The following SHROOM3 variants were observed in gnomAD, a reference collection of about 807,000 sequenced individuals.
The protein encoded by SHROOM3 is shroom family member 3.
A neutral mutation model predicts 138.6 loss-of-function variants in SHROOM3; 47 were observed. That is an observed-to-expected ratio of 0.34 (90% CI 0.27 to 0.43). The LOEUF (loss-of-function observed/expected upper bound fraction) is 0.43, where lower values mean the gene tolerates loss of function less well. SHROOM3 is among the 20% of genes least tolerant of loss of function. SHROOM3 has a pLI of 1.00. For synonymous variants in SHROOM3, 1,062 were observed against 1,063.3 expected (o/e 1.00, Z 0.02); for missense variants, 2,491 against 2,596.5 (o/e 0.96, Z 0.88).
chr4:76,491,928 C>T (rs1198196290), intron 1 of SHROOM3, among the ~76,000 whole-genome samples: 1 of 152,028 alleles, frequency 6.6e-6, no homozygotes, highest in African/African-American at 2.4e-5. Flanking sequence ...CCACTGAAGC[C>T]TCCAAAATAG....
At chr4:76,751,387 T>C (rs1300788831) in intron 6 of SHROOM3, among the ~76,000 whole-genome samples, 1 of 152,194 alleles carries the variant, frequency 6.6e-6, no homozygotes, top group African/African-American at 2.4e-5. Flanking sequence ...GACTTTACAT[T>C]AGTGCTTTTT....
At chr4:76,732,268 TG>T (rs1370688817) in intron 4 of SHROOM3, among the ~76,000 whole-genome samples, 3 of 152,082 alleles carry the variant, frequency 2.0e-5, no homozygotes, top group Non-Finnish European at 4.4e-5. Flanking sequence ...GCATGTGTGT[TG>T]GGGGGAGGAG....
At chr4:76,688,682 A>G (rs1719408533) in intron 2 of SHROOM3, 6 of 985,428 alleles carry the variant, frequency 6.1e-6, no homozygotes, top group Non-Finnish European at 7.2e-6. Flanking sequence ...TAGAATATTA[A>G]CTGGACGCCT....
chr4:76,456,235 G>A (rs1731024455), intron 1 of SHROOM3, among the ~76,000 whole-genome samples: 1 of 152,144 alleles, frequency 6.6e-6, no homozygotes, highest in African/African-American at 2.4e-5. Context: ...TTGATCTCCT[G>A]ACCTCATGAT....
Position 76,740,399 on chromosome 4 carries a change from C to G in SHROOM3, c.2226C>G (p.Pro742=), listed in dbSNP as rs760243120. The G allele has an allele frequency of 1.9e-6, 3 of 1,613,074 alleles. No homozygotes were observed. Among genetic ancestry groups the G allele is most frequent in the Admixed American group, 1.7e-5 (1 of 60,028 alleles). The change falls in exon 5 of 11, where the codon CCC becomes CCG. Residue 742 remains proline, a synonymous_variant. Transcript: ENST00000296043. The surrounding 1 kb of genome is among the most constrained non-coding windows in gnomAD (Gnocchi z 4.0). ...SASFNSTDPS[P]EEPPAPSHPH... ...CTTTCAACAGCACAGACCCAAGTCC[C>G]GAAGAGCCGCCTGCCCCCTCGCACC...
chr4:76,753,724 G>GT (rs1261172762), intron 6 of SHROOM3, among the ~76,000 whole-genome samples: 1 of 152,158 alleles, frequency 6.6e-6, no homozygotes, highest in Non-Finnish European at 1.5e-5. Flanking sequence ...TTCTCCAGAG[G>GT]TAACTGCTTA....
intron 2 of SHROOM3, among the ~76,000 whole-genome samples, chr4:76,650,985 TG>T (rs1560580155): frequency 6.6e-6 from 1 of 152,150 alleles, no homozygotes; most frequent in Non-Finnish European, 1.5e-5. Context: ...TGCAACAACA[TG>T]GATGGAACTG....
Position 76,740,217 on chromosome 4 carries a change from C to G in SHROOM3, c.2044C>G (p.Arg682Gly). 4.3e-6 allele frequency: 7 copies of G among 1,613,498 alleles called. No homozygotes were observed. Among genetic ancestry groups the G allele is most frequent in the Non-Finnish European group, 5.1e-6 (6 of 1,180,032 alleles). The change falls in exon 5 of 11, where the codon CGG becomes GGG. Residue 682 changes from arginine (R) to glycine (G), a missense_variant. By Grantham distance (125) the Arg-to-Gly change is moderately radical. Around this residue, in one of 4 missense-constraint regions of SHROOM3, gnomAD observed 1,733 missense variants for 1,661.6 expected, o/e 1.04. Coordinates refer to ENST00000296043, the MANE Select transcript of SHROOM3 (RefSeq NM_020859.4). This position sits in a 1 kb window ranked among gnomAD's most constrained non-coding sequence, Gnocchi z 4.0. Reference sequence around the variant, plus strand: ...AAGACACAGCAGCCTGGAGCTAGGCCGGGGAACCCAGGAGGGTTACCCCGG... The same window carrying G: ...AAGACACAGCAGCCTGGAGCTAGGCGGGGGAACCCAGGAGGGTTACCCCGG... ...LRRHSSLELG[R>G]GTQEGYPGGR...
chr4:76,439,280 C>T (rs1730621844), intron 1 of SHROOM3, among the ~76,000 whole-genome samples: 1 of 152,178 alleles, frequency 6.6e-6, no homozygotes, highest in Non-Finnish European at 1.5e-5. Context: ...CTTTTAAGGC[C>T]TCTTGTGAGT....
chr4:76,730,636 A>C (rs1247385866), intron 3 of SHROOM3, among the ~76,000 whole-genome samples, 168 bp from the exon 4 acceptor site: 1 of 152,254 alleles, frequency 6.6e-6, no homozygotes, highest in East Asian at 1.9e-4. Context: ...AATAACAATG[A>C]TTAGTCAGAG....
At chr4:76,639,414 G>A (rs1735597136) in intron 2 of SHROOM3, 1 of 394,876 alleles carries the variant, frequency 2.5e-6, no homozygotes, top group African/African-American at 2.1e-5. Flanking sequence ...GGTGAGGCAA[G>A]TTGGCTGGGA....
Position 76,551,924 on chromosome 4 carries a change from C to G in SHROOM3, c.169-3685C>G, listed in dbSNP as rs187414393. On this transcript the variant is annotated intron_variant, in intron 1 of 10. Coordinates refer to ENST00000296043, the MANE Select transcript of SHROOM3 (RefSeq NM_020859.4). ...TCACCCAGGCTGGAGTGCAGTGGTGCGATCTCGGCTCACTGCAAGCTCTGC... is the reference window on the plus strand; with the variant it reads ...TCACCCAGGCTGGAGTGCAGTGGTGGGATCTCGGCTCACTGCAAGCTCTGC... Among the ~76,000 whole-genome samples, 21 of 151,098 alleles carry G rather than the reference C, an allele frequency of 1.4e-4. No homozygotes were observed. In the South Asian group the frequency reaches 2.3e-3, roughly 17 times the overall value.
chr4:76,609,962 T>C (rs1350885101), intron 2 of SHROOM3, among the ~76,000 whole-genome samples: 1 of 152,246 alleles, frequency 6.6e-6, no homozygotes, highest in African/African-American at 2.4e-5. Flanking sequence ...GTTTTATTTT[T>C]ATTTATCTTT....
intron 1 of SHROOM3, among the ~76,000 whole-genome samples, chr4:76,549,798 G>A (rs975613740): frequency 1.3e-5 from 2 of 152,202 alleles, no homozygotes; most frequent in Non-Finnish European, 2.9e-5. Context: ...GGAGGGGAAT[G>A]TGAGGGTCCT....
intron 1 of SHROOM3, among the ~76,000 whole-genome samples, chr4:76,525,634 A>G (rs1409043110): frequency 6.6e-6 from 1 of 152,070 alleles, no homozygotes; most frequent in African/African-American, 2.4e-5. Flanking sequence ...ATGTCTCCTC[A>G]TGTTTTTGCC....
intron 2 of SHROOM3, among the ~76,000 whole-genome samples, chr4:76,593,566 T>C (rs1393304422): frequency 6.6e-6 from 1 of 152,260 alleles, no homozygotes; most frequent in East Asian, 1.9e-4. Flanking sequence ...ATGTGTTGTA[T>C]ATTTTTAGTT....
intron 1 of SHROOM3, among the ~76,000 whole-genome samples, chr4:76,552,007 G>A (rs954737932): frequency 1.5e-3 from 213 of 138,810 alleles, no homozygotes; most frequent in African/African-American, 4.0e-3. Flanking sequence ...GACTACAGGC[G>A]CCCGCCATCA....
At chr4:76,771,183 G>A (rs189563573) in intron 10 of SHROOM3, among the ~76,000 whole-genome samples, 118 of 152,158 alleles carry the variant, frequency 7.8e-4, no homozygotes, top group Admixed American at 1.3e-3. Flanking sequence ...TGGCCAACAT[G>A]GTGAACCAAC....
At chr4:76,480,437 A>G (rs973191405) in intron 1 of SHROOM3, among the ~76,000 whole-genome samples, 2 of 152,376 alleles carry the variant, frequency 1.3e-5, no homozygotes, top group East Asian at 3.9e-4. Context: ...AGAAGAGCTA[A>G]CTATCCTAAA....
Sources: gnomAD v4.1 joint callset for allele counts (sites outside exome capture counted in the v4.1 genomes callset) on GRCh38, gnomAD v4.1.1 for gene constraint, gnomAD v4.1.1 regional missense constraint, Gnocchi (gnomAD v3.1) non-coding constraint, MANE v1.5 for transcripts, NCBI Gene and HGNC (gene_info 2026-07-23, HGNC 2026-07-21) for gene names.